The following JADE1 variants were observed in gnomAD, a reference collection of about 807,000 sequenced individuals.
JADE1 encodes the protein protein Jade-1.
JADE1 carries 14 observed loss-of-function variants against 81.8 expected under a neutral mutation model. That is an observed-to-expected ratio of 0.17 (90% confidence interval 0.11 to 0.27). The LOEUF (loss-of-function observed/expected upper bound fraction) is 0.27, where lower values mean the gene tolerates loss of function less well. JADE1 is among the 10% of genes least tolerant of loss of function. JADE1 has a pLI of 1.00. For missense variants in JADE1, 690 were observed against 1,047.9 expected (o/e 0.66, Z 4.71); for synonymous variants, 353 against 391.9 (o/e 0.90, Z 1.17).
chr4:128,871,325 TTTTC>T lies in JADE1; in HGVS notation c.1622-26_1622-23del, dbSNP rs1732176015. On this transcript the variant is annotated intron_variant, in intron 10 of 10. Coordinates refer to ENST00000226319, the MANE Select transcript of JADE1 (RefSeq NM_199320.4). This position sits in a 1 kb window ranked among gnomAD's most constrained non-coding sequence, Gnocchi z 4.1. ...CTTTTGGATTTGCTTCTGCTGTAATTTTTCTTTATTTGTGGTTTTATGTTTATAG... is the reference window on the plus strand; with the variant it reads ...CTTTTGGATTTGCTTCTGCTGTAATTTTTATTTGTGGTTTTATGTTTATAG... 3.2e-6 allele frequency: 5 copies of T among 1,579,128 alleles called. No homozygotes were observed. Among genetic ancestry groups the T allele is most frequent in the Non-Finnish European group, 4.3e-6 (5 of 1,161,716 alleles).
intron 1 of JADE1, among the ~76,000 whole-genome samples, chr4:128,823,535 A>G (rs1014259223): frequency 6.6e-6 from 1 of 152,282 alleles, no homozygotes; most frequent in African/African-American, 2.4e-5. Context: ...TTGCTAATGT[A>G]AACTTGTCAG....
intron 6 of JADE1, among the ~76,000 whole-genome samples, chr4:128,854,349 A>G (rs2125873485): frequency 6.6e-6 from 1 of 152,148 alleles, no homozygotes; most frequent in African/African-American, 2.4e-5. Flanking sequence ...GGCATACTTT[A>G]TGTAATCTCC....
intron 2 of JADE1, among the ~76,000 whole-genome samples, chr4:128,837,704 T>G (rs543551097): frequency 6.6e-6 from 1 of 152,352 alleles, no homozygotes; most frequent in Non-Finnish European, 1.5e-5. Flanking sequence ...GTGCCCTTGC[T>G]GTGACACCAG....
chr4:128,869,043 A>T (rs1350997306), intron 10 of JADE1, among the ~76,000 whole-genome samples: 1 of 152,240 alleles, frequency 6.6e-6, no homozygotes, highest in African/African-American at 2.4e-5. Context: ...GTTGAAATCC[A>T]AATTCTGGTT....
At chr4:128,828,306 G>C (rs1728243896) in intron 1 of JADE1, among the ~76,000 whole-genome samples, 1 of 152,216 alleles carries the variant, frequency 6.6e-6, no homozygotes, top group African/African-American at 2.4e-5. Context: ...GTCAGGAAAG[G>C]TGATGATGCA....
At chr4:128,831,528 A>C in intron 1 of JADE1, 2 of 525,042 alleles carry the variant, frequency 3.8e-6, no homozygotes, top group Non-Finnish European at 6.8e-6. Context: ...TGACTTCTCC[A>C]CCCCTCCCCC....
At chr4:128,847,347 C>T (rs1729955762) in intron 4 of JADE1, among the ~76,000 whole-genome samples, 3 of 152,316 alleles carry the variant, frequency 2.0e-5, no homozygotes, top group Middle Eastern at 6.8e-3. Context: ...TGGCCCTCAC[C>T]CACTTTGTGT....
chr4:128,867,805 G>A (rs1731891152), intron 9 of JADE1, 51 bp from the exon 10 acceptor site: 2 of 1,186,704 alleles, frequency 1.7e-6, no homozygotes, highest in South Asian at 1.3e-5. Context: ...AAGCACCAAA[G>A]TACTGTTATA....
chr4:128,820,379 T>C (rs985684405), intron 1 of JADE1, among the ~76,000 whole-genome samples: 1 of 152,172 alleles, frequency 6.6e-6, no homozygotes, highest in Non-Finnish European at 1.5e-5. Context: ...CCCAAAGTGC[T>C]GGGATTACAG....
chr4:128,871,077 G>GT lies in JADE1; in HGVS notation c.1622-276dup, dbSNP rs1579253758. On this transcript the variant is annotated intron_variant, in intron 10 of 10. Transcript: ENST00000226319. This position sits in a 1 kb window ranked among gnomAD's most constrained non-coding sequence, Gnocchi z 4.1. ...GGAGTCCGCTCTGAAAATCAGATCA[G>GT]TTATTTTGTTTGGAGGAGGTCTAGT... is the stretch of plus-strand genomic sequence containing the variant. Among the ~76,000 whole-genome samples, 1 of 152,320 alleles carries GT rather than the reference G, an allele frequency of 6.6e-6. No homozygotes were observed. Among genetic ancestry groups the GT allele is most frequent in the East Asian group, 1.9e-4 (1 of 5,182 alleles).
In JADE1 at chr4:128,871,917, A is replaced by G; in HGVS notation, c.2184A>G (p.Val728=). The G allele has an allele frequency of 6.2e-7, 1 of 1,614,050 alleles. No homozygotes were observed. Among genetic ancestry groups the G allele is most frequent in the Non-Finnish European group, 8.5e-7 (1 of 1,179,994 alleles). The change falls in exon 11 of 11, where the codon GTA becomes GTG. Residue 728 remains valine, a synonymous_variant. Transcript: ENST00000226319. This position sits in a 1 kb window ranked among gnomAD's most constrained non-coding sequence, Gnocchi z 4.1. ...AGTGCAATGGCTCCCTAATCAAAGTAAACTATAATCAGACTGCAGTCAAAG... is the reference window on the plus strand; with the variant it reads ...AGTGCAATGGCTCCCTAATCAAAGTGAACTATAATCAGACTGCAGTCAAAG... ...VPKCNGSLIK[V]NYNQTAVKVP... is the part of the protein sequence containing the mutation.
In JADE1 at chr4:128,872,146, C is replaced by T. The variant is rs1236249385; in HGVS notation, c.2413C>T (p.Pro805Ser). 2 of 1,614,070 alleles carry T rather than the reference C, an allele frequency of 1.2e-6. No individual in the cohort carries two copies. Among genetic ancestry groups the T allele is most frequent in the East Asian group, 2.2e-5 (1 of 44,840 alleles). ...KSDNENDGYV[P>S]DVEMSDSESE... The stretch of plus-strand genomic sequence containing the variant: ...CGACAATGAGAATGACGGGTATGTC[C>T]CCGATGTGGAAATGAGTGACTCAGA... The change falls in exon 11 of 11, where the codon CCC becomes TCC. Residue 805 changes from proline (P) to serine (S), a missense_variant. Around this residue, in one of 8 missense-constraint regions of JADE1, gnomAD observed 218 missense variants for 274.3 expected, o/e 0.79. Transcript: ENST00000226319.
intron 9 of JADE1, among the ~76,000 whole-genome samples, chr4:128,867,376 C>T (rs1216185337): frequency 6.6e-6 from 1 of 152,208 alleles, no homozygotes; most frequent in Non-Finnish European, 1.5e-5. Flanking sequence ...CCCTTGGCCC[C>T]ATGTTTACCC....
rs114835163 is a variant in JADE1 at position 128,858,173 on chromosome 4, G to T, written c.981+719G>T. Among the ~76,000 whole-genome samples the T allele has an allele frequency of 9.5e-3, 1,441 of 152,288 alleles. 7 individuals carry two copies. Among genetic ancestry groups the T allele is most frequent in the Non-Finnish European group, 0.015 (1,041 of 68,020 alleles). On this transcript the variant is annotated intron_variant, in intron 8 of 10. Coordinates refer to ENST00000226319, the MANE Select transcript of JADE1 (RefSeq NM_199320.4). Reference sequence around the variant, plus strand: ...TTGCCTGCCTGCTTTTGCATATCCAGGTACAGACAAGTATAGGATGTCATG... The same window carrying T: ...TTGCCTGCCTGCTTTTGCATATCCATGTACAGACAAGTATAGGATGTCATG...
chr4:128,872,510 G>A lies in JADE1; in HGVS notation c.*248G>A, dbSNP rs941453418. ...TAAGACACTGCTAAGACTAGAACCCGAACTGAACACTAAAATAAAAATGAA... is the reference window on the plus strand; with the variant it reads ...TAAGACACTGCTAAGACTAGAACCCAAACTGAACACTAAAATAAAAATGAA... On this transcript the variant is annotated 3_prime_UTR_variant, in exon 11 of 11. Transcript: ENST00000226319. The A allele has an allele frequency of 2.7e-5, 12 of 447,800 alleles. No homozygotes were observed. The highest frequency in any genetic ancestry group is 2.2e-4 in the African/African-American group (11 of 51,058). 27.7% of individuals were successfully genotyped at this position (447,800 alleles called of 1,614,324 possible).
intron 1 of JADE1, among the ~76,000 whole-genome samples, chr4:128,823,255 CAT>C (rs1383087542): frequency 6.6e-6 from 1 of 152,146 alleles, no homozygotes; most frequent in Non-Finnish European, 1.5e-5. Context: ...CCTTAGAGCT[CAT>C]AAGCAGTGAT....
chr4:128,866,010 G>A (rs1731753158), intron 9 of JADE1, among the ~76,000 whole-genome samples: 1 of 152,188 alleles, frequency 6.6e-6, no homozygotes, highest in Non-Finnish European at 1.5e-5. Flanking sequence ...TTTCCTAGAA[G>A]TTTTGAATCT....
Position 128,871,893 on chromosome 4 carries a change from G to A in JADE1, c.2160G>A (p.Lys720=). Residue 720 remains lysine, a synonymous_variant, in exon 11 of 11, where the codon AAG becomes AAA. Coordinates refer to ENST00000226319, the MANE Select transcript of JADE1 (RefSeq NM_199320.4). The surrounding 1 kb of genome is among the most constrained non-coding windows in gnomAD (Gnocchi z 4.1). ...APGTRKEIVP[K]CNGSLIKVNY... ...GCACAAGGAAGGAGATAGTGCCCAA[G>A]TGCAATGGCTCCCTAATCAAAGTAA... 1 of 1,614,130 alleles carries A rather than the reference G, an allele frequency of 6.2e-7. No individual in the cohort carries two copies.
At chr4:128,859,191 TGTGA>T (rs1230482910) in intron 8 of JADE1, among the ~76,000 whole-genome samples, 1 of 151,464 alleles carries the variant, frequency 6.6e-6, no homozygotes, top group Non-Finnish European at 1.5e-5. Context: ...TGTATGCATG[TGTGA>T]GTGTGTGTGT....
Sources: allele counts gnomAD v4.1 joint callset (sites outside exome capture counted in the v4.1 genomes callset), GRCh38; gene constraint gnomAD v4.1.1; regional missense constraint gnomAD v4.1.1; non-coding constraint Gnocchi (gnomAD v3.1); transcripts MANE v1.5; gene names NCBI Gene and HGNC (gene_info 2026-07-23, HGNC 2026-07-21).